GABRB1: variants seen among roughly 807,000 people sequenced by gnomAD.
GABRB1 encodes gamma-aminobutyric acid type A receptor subunit beta1, also known as gamma-aminobutyric acid receptor subunit beta-1.
A neutral mutation model predicts 51.6 loss-of-function variants in GABRB1; 17 were observed. The observed-to-expected ratio is 0.33, with a 90% CI of 0.23 to 0.49. GABRB1 has a LOEUF of 0.49. Among genes scored for constraint, GABRB1 ranks in the 20% least tolerant of loss-of-function variants. The pLI, the probability that GABRB1 is intolerant of heterozygous loss-of-function variation, is 0.99. For synonymous variants in GABRB1, 247 were observed against 218.9 expected, an observed-to-expected ratio of 1.13 and a Z score of -1.14; for missense variants, 410 against 600.6, an observed-to-expected ratio of 0.68 and a Z score of 3.32.
At chr4:47,013,951 CT>C (rs1299544419) in intron 1 of GABRB1, among the ~76,000 whole-genome samples, 8 of 152,018 alleles carry the variant, frequency 5.3e-5, no homozygotes, top group Non-Finnish European at 1.0e-4. Context: ...TGTGTTTTTT[CT>C]GTCTTGTCCA....
chr4:47,125,559 C>CTTTTTTTTTTTTTCTTTTTTTTTTTTTT (rs1716086331), intron 3 of GABRB1, among the ~76,000 whole-genome samples: 1 of 80,696 alleles, frequency 1.2e-5, no homozygotes, highest in Non-Finnish European at 2.5e-5. Flanking sequence ...AGTATAATTT[C>CTTTTTTTTTTTTTCTTTTTTTTTTTTTT]TTTTTTTTTT....
chr4:47,303,905 C>T lies in GABRB1; in HGVS notation c.462-16222C>T, dbSNP rs545989112. On this transcript the variant is annotated intron_variant, in intron 4 of 8. Transcript: ENST00000295454. ...GTTAGATTCCACATATGAGTGAAAT[C>T]ATGTGGCATTTGTCGTTCTGTGCTG... Among the ~76,000 whole-genome samples the T allele has an allele frequency of 2.0e-5, 3 of 152,154 alleles. No homozygotes were observed. In the East Asian group the frequency reaches 5.8e-4, roughly 29 times the overall value.
chr4:46,998,577 C>CA (rs1348628117), intron 1 of GABRB1, among the ~76,000 whole-genome samples: 1 of 151,292 alleles, frequency 6.6e-6, no homozygotes, highest in Non-Finnish European at 1.5e-5. Flanking sequence ...ACTAAAAATA[C>CA]AAAAAAATTA....
Position 47,089,582 on chromosome 4 carries a change from A to T in GABRB1, c.240+57098A>T, listed in dbSNP as rs571311995. On this transcript the variant is annotated intron_variant, in intron 3 of 8. Coordinates refer to ENST00000295454, the MANE Select transcript of GABRB1 (RefSeq NM_000812.4). ...TTTTAAAACCACATTAGGAGGATTT[A>T]AATAGGAGTTCTGAAGCACATCATA... is the stretch of plus-strand genomic sequence containing the variant. Among the ~76,000 whole-genome samples, 53 of 152,350 alleles carry T rather than the reference A, an allele frequency of 3.5e-4. 1 individual carries two copies. The South Asian group carries it at 9.5e-3, about 27-fold the overall frequency.
chr4:47,064,177 A>G (rs1577873776), intron 3 of GABRB1, among the ~76,000 whole-genome samples: 2 of 152,298 alleles, frequency 1.3e-5, no homozygotes, highest in East Asian at 3.9e-4. Flanking sequence ...TTTAGTTTCA[A>G]GGTGAGTTTG....
intron 4 of GABRB1, among the ~76,000 whole-genome samples, chr4:47,256,845 G>C (rs760435990): frequency 1.3e-5 from 2 of 152,122 alleles, no homozygotes; most frequent in Admixed American, 6.5e-5. Flanking sequence ...TTCAACATTA[G>C]ATTTGGACGT....
At chr4:47,273,864 TAC>T (rs5858061) in intron 4 of GABRB1, among the ~76,000 whole-genome samples, 34,354 of 122,104 alleles carry the variant, frequency 0.28, 4,879 homozygotes, top group East Asian at 0.51. Flanking sequence ...CATATATACA[TAC>T]ACACACACAC....
At chr4:47,257,090 T>C (rs1352377963) in intron 4 of GABRB1, among the ~76,000 whole-genome samples, 1 of 152,118 alleles carries the variant, frequency 6.6e-6, no homozygotes, top group African/African-American at 2.4e-5. Flanking sequence ...GTTTAGTCAA[T>C]GGAAGAACCT....
At chr4:47,026,346 G>T (rs1162678502) in intron 1 of GABRB1, among the ~76,000 whole-genome samples, 1 of 151,946 alleles carries the variant, frequency 6.6e-6, no homozygotes, top group African/African-American at 2.4e-5. Context: ...GTGTTCACCA[G>T]ATAATCACCG....
intron 3 of GABRB1, among the ~76,000 whole-genome samples, chr4:47,088,640 T>C (rs561066831): frequency 6.6e-6 from 1 of 152,330 alleles, no homozygotes; most frequent in Admixed American, 6.5e-5. Flanking sequence ...AATCGTGTCA[T>C]TGAGAAGGCC....
chr4:47,029,871 C>T (rs1191886604), upstream of GABRB1, among the ~76,000 whole-genome samples: 1 of 151,986 alleles, frequency 6.6e-6, no homozygotes, highest in Non-Finnish European at 1.5e-5. Flanking sequence ...CTTTTTATCC[C>T]TACATGAATT....
chr4:47,073,009 C>T (rs1002012129), intron 3 of GABRB1, among the ~76,000 whole-genome samples: 7 of 152,144 alleles, frequency 4.6e-5, no homozygotes. Context: ...TTATTATAGA[C>T]CTATAGACTA....
At chr4:47,238,887 C>G (rs1721424299) in intron 4 of GABRB1, among the ~76,000 whole-genome samples, 1 of 152,144 alleles carries the variant, frequency 6.6e-6, no homozygotes, top group Non-Finnish European at 1.5e-5. Flanking sequence ...AAGCTAGAAA[C>G]ATGAGCTAAA....
intron 3 of GABRB1, among the ~76,000 whole-genome samples, chr4:47,092,267 G>A (rs1728338149): frequency 7.1e-6 from 1 of 140,516 alleles, no homozygotes; most frequent in African/African-American, 2.7e-5. Flanking sequence ...TGGCCTCCCT[G>A]GTTCAAATGA....
intron 5 of GABRB1, among the ~76,000 whole-genome samples, chr4:47,396,093 G>A (rs1274126592): frequency 6.6e-6 from 1 of 152,132 alleles, no homozygotes; most frequent in Non-Finnish European, 1.5e-5. Flanking sequence ...CCGAGACTGG[G>A]CAATTTACAA....
chr4:47,111,420 A>G (rs960905539), intron 3 of GABRB1, among the ~76,000 whole-genome samples: 1 of 150,702 alleles, frequency 6.6e-6, no homozygotes, highest in Non-Finnish European at 1.5e-5. Context: ...CTATATCTAT[A>G]TATATGAATT....
intron 5 of GABRB1, among the ~76,000 whole-genome samples, chr4:47,347,080 G>A (rs551629037): frequency 4.5e-4 from 69 of 152,190 alleles, no homozygotes; most frequent in Non-Finnish European, 8.7e-4. Flanking sequence ...TCAGGAGTTC[G>A]TGACCAGCCT....
chr4:47,091,305 C>T lies in GABRB1; in HGVS notation c.240+58821C>T, dbSNP rs1255548629. 3.9e-5 allele frequency among the ~76,000 whole-genome samples: 6 copies of T among 152,106 alleles called. No homozygotes were observed. In the East Asian group the frequency reaches 9.6e-4, roughly 24 times the overall value. On this transcript the variant is annotated intron_variant, in intron 3 of 8. Transcript: ENST00000295454. ...TTGTATTTTTTATTCAAGATGTTAA[C>T]TTTTAACTTCTCTTAAATTTTCTGA...
At chr4:47,353,021 G>A (rs187618287) in intron 5 of GABRB1, among the ~76,000 whole-genome samples, 3 of 152,162 alleles carry the variant, frequency 2.0e-5, no homozygotes, top group Non-Finnish European at 4.4e-5. Context: ...CAGAATCGTG[G>A]CAGGAGGCAA....
Sources: allele counts gnomAD v4.1 joint callset (sites outside exome capture counted in the v4.1 genomes callset), GRCh38; gene constraint gnomAD v4.1.1; transcripts MANE v1.5; gene names NCBI Gene and HGNC (gene_info 2026-07-23, HGNC 2026-07-21).